ICE1: variants seen among roughly 807,000 people sequenced by gnomAD.
ICE1 encodes the protein little elongation complex subunit 1.
In ICE1, 64 loss-of-function variants were observed where a neutral mutation model predicts 192.7. The ratio of observed to expected loss-of-function variants is 0.33; its 90% CI spans 0.27 to 0.41. ICE1 has a LOEUF of 0.41. Ranked by LOEUF, ICE1 falls within the 10% of genes least tolerant of loss-of-function variation. The pLI, the probability that ICE1 is intolerant of heterozygous loss-of-function variation, is 1.00. For missense variants in ICE1, 2,708 were observed against 2,696.0 expected (o/e 1.00, Z -0.10); for synonymous variants, 1,010 against 984.5 (o/e 1.03, Z -0.49).
At chr5:5,454,468 A>G in intron 10 of ICE1, 84 bp from the exon 11 acceptor site, 3 of 872,976 alleles carry the variant, frequency 3.4e-6, no homozygotes, top group Non-Finnish European at 3.8e-6. Context: ...GTCCCTAATA[A>G]ACCCTGATTT....
At chr5:5,485,730 G>A (rs1409594897) in intron 17 of ICE1, among the ~76,000 whole-genome samples, 4 of 152,138 alleles carry the variant, frequency 2.6e-5, no homozygotes, top group South Asian at 2.1e-4. Context: ...ATAGATCTTC[G>A]AAATGCCAAC....
chr5:5,436,908 T>G (rs1737885908), intron 2 of ICE1, among the ~76,000 whole-genome samples, 172 bp from the exon 3 acceptor site: 1 of 152,170 alleles, frequency 6.6e-6, no homozygotes, highest in African/African-American at 2.4e-5. Context: ...GGCTTGTATA[T>G]CAACGTGATG....
chr5:5,471,357 G>A (rs1640602230), intron 15 of ICE1, among the ~76,000 whole-genome samples: 1 of 151,004 alleles, frequency 6.6e-6, no homozygotes, highest in Admixed American at 6.7e-5. Flanking sequence ...TCTGTACAAA[G>A]ACATGTGTAG....
At chr5:5,477,804 C>T (rs909197697) in intron 17 of ICE1, among the ~76,000 whole-genome samples, 4 of 152,160 alleles carry the variant, frequency 2.6e-5, no homozygotes, top group African/African-American at 7.2e-5. Flanking sequence ...CAGCTTCAAC[C>T]CTGGGATGCA....
chr5:5,448,792 C>T (rs1390799945), intron 10 of ICE1, among the ~76,000 whole-genome samples: 10 of 151,294 alleles, frequency 6.6e-5, no homozygotes, highest in African/African-American at 2.4e-4. Context: ...TTATGTTTTC[C>T]TTGGTGTAAG....
Position 5,441,208 on chromosome 5 carries a change from G to T in ICE1, c.294G>T (p.Glu98Asp). ...CQEELGSLKA[E>D]LEEKKSSLKL... Reference sequence around the variant, plus strand: ...AAGAACTGGGATCTTTAAAAGCAGAGCTAGAAGAGAAAAAGGTATGAACAA... The same window carrying T: ...AAGAACTGGGATCTTTAAAAGCAGATCTAGAAGAGAAAAAGGTATGAACAA... The change falls in exon 5 of 19, where the codon GAG becomes GAT. Residue 98 changes from glutamate to aspartate, a missense_variant. Physicochemically the swap from Glu to Asp is conservative, Grantham distance 45. This residue lies in a region of ICE1 where 2,366 missense variants were observed against 2,276.6 expected (regional missense o/e 1.04). Transcript: ENST00000296564. The T allele has an allele frequency of 6.4e-7, 1 of 1,551,956 alleles. No homozygotes were observed. Among genetic ancestry groups the T allele is most frequent in the South Asian group, 1.2e-5 (1 of 84,272 alleles).
At chr5:5,478,384 C>T (rs1739402277) in intron 17 of ICE1, among the ~76,000 whole-genome samples, 1 of 152,112 alleles carries the variant, frequency 6.6e-6, no homozygotes, top group Non-Finnish European at 1.5e-5. Flanking sequence ...AATAAAATGC[C>T]TAGTAATAAA....
rs193027914 is a variant in ICE1 at position 5,478,042 on chromosome 5, G to A, written c.6520+1963G>A. On this transcript the variant is annotated intron_variant, in intron 17 of 18. Transcript: ENST00000296564. ...CATACTGAATGGGCAAAAGCTGGAA[G>A]CATTCCCTTTGAAAACTGGCACAAG... 2.8e-3 allele frequency among the ~76,000 whole-genome samples: 422 copies of A among 152,314 alleles called. 2 individuals carry two copies. The highest frequency in any genetic ancestry group is 4.6e-3 in the Non-Finnish European group (313 of 68,026).
chr5:5,455,491 T>C (rs1181773426), intron 11 of ICE1, among the ~76,000 whole-genome samples: 2 of 152,238 alleles, frequency 1.3e-5, no homozygotes, highest in East Asian at 3.9e-4. Context: ...CTTTTTGGCC[T>C]TCTATATCAA....
intron 10 of ICE1, among the ~76,000 whole-genome samples, chr5:5,449,431 C>T (rs1738349237): frequency 6.7e-6 from 1 of 150,116 alleles, no homozygotes; most frequent in Admixed American, 6.7e-5. Context: ...CCTTTCTTTT[C>T]TTTAAAATTC....
chr5:5,430,592 C>G (rs1460617600), intron 1 of ICE1, among the ~76,000 whole-genome samples: 1 of 152,188 alleles, frequency 6.6e-6, no homozygotes, highest in Non-Finnish European at 1.5e-5. Flanking sequence ...AAGACAGAAC[C>G]ATTTTTAATT....
In ICE1 at chr5:5,462,866, T is replaced by A. The variant is rs925872683; in HGVS notation, c.3532T>A (p.Phe1178Ile). Residue 1178 changes from phenylalanine to isoleucine, a missense_variant, in exon 13 of 19, where the codon TTT becomes ATT. Around this residue, in one of 2 missense-constraint regions of ICE1, gnomAD observed 2,366 missense variants for 2,276.6 expected, o/e 1.04. Transcript: ENST00000296564. ...ACTTTCCACATCAGAGGTTGTGATGTTTCTTGAGAGCTGTCAGTTAGGGGA... is the reference window on the plus strand; with the variant it reads ...ACTTTCCACATCAGAGGTTGTGATGATTCTTGAGAGCTGTCAGTTAGGGGA... ...DRLSTSEVVM[F>I]LESCQLGDYS... 6.2e-7 allele frequency: 1 copy of A among 1,609,424 alleles called. No homozygotes were observed. The highest frequency in any genetic ancestry group is 1.1e-5 in the South Asian group (1 of 90,218).
intron 1 of ICE1, among the ~76,000 whole-genome samples, chr5:5,427,325 C>G (rs540987109): frequency 3.3e-5 from 5 of 152,282 alleles, no homozygotes; most frequent in African/African-American, 1.2e-4. Flanking sequence ...TGTGGGTCCT[C>G]ACTCTAGTCA....
At position 5,460,908 on chromosome 5, in the gene ICE1, C is replaced by T. The variant is rs1191504049; in HGVS notation, c.1574C>T (p.Pro525Leu). Residue 525 changes from proline to leucine, a missense_variant, in exon 13 of 19, where the codon CCT becomes CTT. Coordinates refer to ENST00000296564, the MANE Select transcript of ICE1 (RefSeq NM_015325.3). ...CCTGCACAAGAGAAGGAAGCTGCCCCTGGGAAGTCTGAGTTGTGTTCTTCT... is the reference window on the plus strand; with the variant it reads ...CCTGCACAAGAGAAGGAAGCTGCCCTTGGGAAGTCTGAGTTGTGTTCTTCT... Reference protein sequence around the residue: ...ASPAQEKEAAPGKSELCSSPL... With the variant: ...ASPAQEKEAALGKSELCSSPL... 11 of 1,613,984 alleles carry T rather than the reference C, an allele frequency of 6.8e-6. No individual in the cohort carries two copies. The highest frequency in any genetic ancestry group is 1.3e-5 in the African/African-American group (1 of 75,044).
chr5:5,484,706 C>T (rs1006037115), intron 17 of ICE1, among the ~76,000 whole-genome samples: 1 of 152,132 alleles, frequency 6.6e-6, no homozygotes, highest in African/African-American at 2.4e-5. Context: ...TAAGCTAGTT[C>T]CTGTAGAGGA....
chr5:5,459,931 C>T (rs1298911015), intron 12 of ICE1, among the ~76,000 whole-genome samples: 4 of 152,104 alleles, frequency 2.6e-5, no homozygotes, highest in Admixed American at 6.5e-5. Context: ...CTGCAGCACT[C>T]TGTGAGGACA....
chr5:5,470,870 C>T (rs914338169), intron 15 of ICE1, among the ~76,000 whole-genome samples: 7 of 152,058 alleles, frequency 4.6e-5, no homozygotes, highest in Non-Finnish European at 1.0e-4. Context: ...TCTTAAAAGT[C>T]AATGAAAAGG....
At chr5:5,482,610 C>T (rs532150601) in intron 17 of ICE1, among the ~76,000 whole-genome samples, 13 of 152,292 alleles carry the variant, frequency 8.5e-5, no homozygotes, top group Admixed American at 7.8e-4. Context: ...CCTGCCTGTC[C>T]TTTTCGTGCC....
intron 6 of ICE1, 66 bp downstream of exon 6, chr5:5,443,310 C>T (rs564170090): frequency 2.5e-5 from 22 of 865,956 alleles, no homozygotes; most frequent in East Asian, 2.5e-4. Context: ...ATTCTTAAGT[C>T]GGTAGTGTTT....
Sources: allele counts gnomAD v4.1 joint callset (sites outside exome capture counted in the v4.1 genomes callset), GRCh38; gene constraint gnomAD v4.1.1; regional missense constraint gnomAD v4.1.1; transcripts MANE v1.5; gene names NCBI Gene and HGNC (gene_info 2026-07-23, HGNC 2026-07-21).